The following GPATCH2 variants were observed in gnomAD, a reference collection of about 807,000 sequenced individuals.
GPATCH2 encodes the protein G-patch domain containing 2, also known as G patch domain-containing protein 2.
Under a neutral mutation model 58.0 loss-of-function variants are expected in GPATCH2, and 51 were observed. The ratio of observed to expected loss-of-function variants is 0.88; its 90% CI spans 0.70 to 1.11. GPATCH2 has a LOEUF of 1.11. GPATCH2 is among the 50% of genes most tolerant of loss of function. The probability of loss-of-function intolerance (pLI) is 0.00; values close to 1 mark genes in which losing one functional copy is unlikely to be tolerated. For missense variants in GPATCH2, 625 were observed against 652.2 expected (o/e 0.96, Z 0.45); for synonymous variants, 222 against 218.5 (o/e 1.02, Z -0.14).
chr1:217,600,728 T>G (rs1668067481), intron 5 of GPATCH2, among the ~76,000 whole-genome samples: 1 of 151,966 alleles, frequency 6.6e-6, no homozygotes, highest in Non-Finnish European at 1.5e-5. Context: ...AAAAGACAAC[T>G]AAAAAAAGGT....
At chr1:217,609,872 T>C (rs2102813351) in intron 5 of GPATCH2, 1 of 1,042,218 alleles carries the variant, frequency 9.6e-7, no homozygotes, top group African/African-American at 1.7e-5. Context: ...TATACATAAA[T>C]GGATTCAATG....
chr1:217,540,124 T>C (rs1239647460), intron 5 of GPATCH2, among the ~76,000 whole-genome samples: 1 of 152,216 alleles, frequency 6.6e-6, no homozygotes, highest in Non-Finnish European at 1.5e-5. Context: ...TTAAATACTA[T>C]TGTTCAATTT....
At chr1:217,505,441 G>A (rs1307086024) in intron 6 of GPATCH2, among the ~76,000 whole-genome samples, 1 of 152,032 alleles carries the variant, frequency 6.6e-6, no homozygotes, top group African/African-American at 2.4e-5. Context: ...CTCTGCAGAT[G>A]CAGAGTTCCA....
chr1:217,508,984 T>C (rs538958361), intron 6 of GPATCH2, among the ~76,000 whole-genome samples: 18 of 152,230 alleles, frequency 1.2e-4, no homozygotes, highest in Admixed American at 1.1e-3. Context: ...TGTTATTTTA[T>C]TAAAATGATC....
chr1:217,484,984 A>G (rs1012504268), intron 8 of GPATCH2, among the ~76,000 whole-genome samples: 4 of 152,140 alleles, frequency 2.6e-5, no homozygotes, highest in African/African-American at 9.7e-5. Flanking sequence ...TATGTGGTAT[A>G]TACACATAAA....
chr1:217,601,576 C>T (rs2102793191), intron 5 of GPATCH2, among the ~76,000 whole-genome samples: 1 of 152,118 alleles, frequency 6.6e-6, no homozygotes, highest in Middle Eastern at 3.4e-3. Context: ...AAACCCATCC[C>T]ACCAACTTCT....
At chr1:217,451,749 G>T (rs1421522419) in intron 8 of GPATCH2, among the ~76,000 whole-genome samples, 2 of 152,178 alleles carry the variant, frequency 1.3e-5, no homozygotes, top group African/African-American at 4.8e-5. Context: ...GGAGGGGAAG[G>T]TACCATTCTG....
rs894902410 is a variant in GPATCH2, at chr1:217,452,521, T to C, written c.1278-3184A>G. 6.6e-5 allele frequency among the ~76,000 whole-genome samples: 10 copies of C among 152,344 alleles called. No homozygotes were observed. The East Asian group carries it at 1.5e-3, about 24-fold the overall frequency. On this transcript the variant is annotated intron_variant, in intron 8 of 9. Transcript: ENST00000366935. ...TTGTTTTTGCACTAGTTATATGTAATTGGAGTATTCTAATTGCTTAAAAAT... is the reference window on the plus strand; with the variant it reads ...TTGTTTTTGCACTAGTTATATGTAACTGGAGTATTCTAATTGCTTAAAAAT...
chr1:217,469,779 G>A (rs929443144), intron 8 of GPATCH2, among the ~76,000 whole-genome samples: 7 of 152,150 alleles, frequency 4.6e-5, no homozygotes, highest in Non-Finnish European at 8.8e-5. Context: ...TAGACATAAA[G>A]TAATATTTTA....
chr1:217,514,706 C>T, intron 6 of GPATCH2, 116 bp downstream of exon 6: 1 of 531,734 alleles, frequency 1.9e-6, no homozygotes. Context: ...GTAAATTATA[C>T]TTACTCTTTT....
intron 2 of GPATCH2, among the ~76,000 whole-genome samples, chr1:217,617,323 T>C (rs955693667): frequency 2.0e-5 from 3 of 152,216 alleles, no homozygotes; most frequent in African/African-American, 7.2e-5. Context: ...CCTCAATTCC[T>C]GAACAAGTCT....
intron 8 of GPATCH2, among the ~76,000 whole-genome samples, chr1:217,484,392 T>C (rs1424422020): frequency 6.6e-6 from 1 of 151,820 alleles, no homozygotes; most frequent in Non-Finnish European, 1.5e-5. Context: ...AGACTAGAAG[T>C]TACATCACAG....
chr1:217,610,438 G>C, intron 4 of GPATCH2, 38 bp from the exon 5 acceptor site: 2 of 1,120,886 alleles, frequency 1.8e-6, no homozygotes, highest in Non-Finnish European at 2.7e-6. Context: ...AGTTTTCTAT[G>C]ATCACTGAAG....
intron 5 of GPATCH2, among the ~76,000 whole-genome samples, chr1:217,524,457 G>A (rs1663706154): frequency 6.6e-6 from 1 of 151,336 alleles, no homozygotes; most frequent in South Asian, 2.1e-4. Flanking sequence ...CCCAGACGGG[G>A]TGGCGGCCGG....
intron 7 of GPATCH2, 186 bp downstream of exon 7, chr1:217,498,170 C>A: frequency 1.4e-6 from 1 of 697,116 alleles, no homozygotes; most frequent in Non-Finnish European, 2.6e-6. Context: ...AAAGAAAACT[C>A]TCATGCTGAT....
chr1:217,517,431 C>T (rs1367683959), intron 5 of GPATCH2, among the ~76,000 whole-genome samples: 1 of 151,988 alleles, frequency 6.6e-6, no homozygotes, highest in Non-Finnish European at 1.5e-5. Context: ...ACTAGACACA[C>T]TTACCTAAAA....
chr1:217,613,592 T>C (rs1668739591), intron 3 of GPATCH2, among the ~76,000 whole-genome samples: 1 of 152,116 alleles, frequency 6.6e-6, no homozygotes, highest in African/African-American at 2.4e-5. Flanking sequence ...AGCTTCAAAA[T>C]ACTGCCATGT....
At chr1:217,509,939 G>T (rs1662764073) in intron 6 of GPATCH2, among the ~76,000 whole-genome samples, 1 of 152,168 alleles carries the variant, frequency 6.6e-6, no homozygotes, top group African/African-American at 2.4e-5. Flanking sequence ...ATACGAATTT[G>T]AGGGGAAACA....
intron 5 of GPATCH2, among the ~76,000 whole-genome samples, chr1:217,535,122 C>G (rs1002294331): frequency 6.6e-5 from 10 of 152,204 alleles, no homozygotes; most frequent in African/African-American, 9.6e-5. Flanking sequence ...GTTATAGCCC[C>G]AATCTGCTTT....
Sources: allele counts gnomAD v4.1 joint callset (sites outside exome capture counted in the v4.1 genomes callset), GRCh38; gene constraint gnomAD v4.1.1; transcripts MANE v1.5; gene names NCBI Gene and HGNC (gene_info 2026-07-23, HGNC 2026-07-21).